Variants in CD47 observed in about 807,000 individuals in gnomAD.
CD47 encodes leukocyte surface antigen CD47.
Under a neutral mutation model 44.6 loss-of-function variants are expected in CD47, and 11 were observed. The observed-to-expected ratio is 0.25, with a 90% confidence interval of 0.16 to 0.41. The LOEUF (loss-of-function observed/expected upper bound fraction) is 0.41, where lower values mean the gene tolerates loss of function less well. CD47 is among the 10% of genes least tolerant of loss of function. The pLI, the probability that CD47 is intolerant of heterozygous loss-of-function variation, is 1.00. For synonymous variants in CD47, 140 were observed against 136.3 expected, an observed-to-expected ratio of 1.03 and a Z score of -0.19; for missense variants, 306 against 386.7, an observed-to-expected ratio of 0.79 and a Z score of 1.75.
chr3:108,058,398 T>C lies in CD47; in HGVS notation c.723A>G (p.Ile241Met), dbSNP rs755240766. ...TATAGGCTATCACCTGAATAACCAATATGGCAATGACGAAGGAGGTTAATC... is the reference window on the plus strand; with the variant it reads ...TATAGGCTATCACCTGAATAACCAACATGGCAATGACGAAGGAGGTTAATC... ...AIGLTSFVIA[I>M]LVIQVIAYIL... Residue 241 changes from isoleucine to methionine, a missense_variant, in exon 6 of 11, where the codon ATA becomes ATG. Ile to Met is a conservative substitution (Grantham distance 10, BLOSUM62 1). Around this residue, in one of 5 missense-constraint regions of CD47, gnomAD observed 131 missense variants for 135.3 expected, o/e 0.97. Coordinates refer to ENST00000361309, the MANE Select transcript of CD47 (RefSeq NM_001777.4). 89 of 1,567,528 alleles carry C rather than the reference T, an allele frequency of 5.7e-5. No homozygotes were observed. The highest frequency in any genetic ancestry group is 8.1e-5 in the African/African-American group (6 of 74,380).
At chr3:108,077,837 G>A (rs1038523435) in intron 2 of CD47, among the ~76,000 whole-genome samples, 1 of 152,176 alleles carries the variant, frequency 6.6e-6, no homozygotes, top group Middle Eastern at 3.4e-3. Context: ...CATTTATATA[G>A]CATTGTTGAA....
intron 7 of CD47, chr3:108,053,509 A>G (rs2078863576): frequency 6.6e-6 from 1 of 152,446 alleles, no homozygotes; most frequent in African/African-American, 2.4e-5. Flanking sequence ...ACAGTGGCAT[A>G]AACAAGAGGG....
At chr3:108,051,158 A>G (rs1280116592) in intron 8 of CD47, among the ~76,000 whole-genome samples, 1 of 152,194 alleles carries the variant, frequency 6.6e-6, no homozygotes, top group Non-Finnish European at 1.5e-5. Context: ...ACTTAGAAGC[A>G]TATGTGACCT....
In CD47 at chr3:108,061,475, C is replaced by T. The variant is rs145519746; in HGVS notation, c.491-623G>A. Among the ~76,000 whole-genome samples, 538 of 152,070 alleles carry T rather than the reference C, an allele frequency of 3.5e-3. 4 individuals carry two copies. The highest frequency in any genetic ancestry group is 4.3e-3 in the Non-Finnish European group (294 of 67,996). On this transcript the variant is annotated intron_variant, in intron 3 of 10. Transcript: ENST00000361309. ...TGACAGAATAAAACTGGGCAGATTA[C>T]ACCCTTGTGAAATCCTGATGAAGAA...
At chr3:108,078,703 C>A (rs1473633907) in intron 2 of CD47, among the ~76,000 whole-genome samples, 1 of 151,448 alleles carries the variant, frequency 6.6e-6, no homozygotes, top group Non-Finnish European at 1.5e-5. Context: ...AAAGACCTTT[C>A]AAATTCTCCT....
At chr3:108,071,881 C>T (rs1469274831) in intron 2 of CD47, among the ~76,000 whole-genome samples, 3 of 152,054 alleles carry the variant, frequency 2.0e-5, no homozygotes, top group Non-Finnish European at 4.4e-5. Flanking sequence ...TGGTCTTTTC[C>T]CAAACTCACT....
At chr3:108,061,754 G>A (rs964900227) in intron 3 of CD47, among the ~76,000 whole-genome samples, 1 of 152,198 alleles carries the variant, frequency 6.6e-6, no homozygotes, top group African/African-American at 2.4e-5. Context: ...AAAGCAAACT[G>A]AGTAGCGGAA....
At chr3:108,067,947 G>C (rs1266098608) in intron 3 of CD47, among the ~76,000 whole-genome samples, 2 of 152,158 alleles carry the variant, frequency 1.3e-5, no homozygotes, top group Non-Finnish European at 2.9e-5. Context: ...TGTCTTTACT[G>C]AAAGTTTAGC....
At chr3:108,057,986 C>T (rs919168298) in intron 6 of CD47, among the ~76,000 whole-genome samples, 16 of 152,114 alleles carry the variant, frequency 1.1e-4, no homozygotes, top group Non-Finnish European at 1.8e-4. Context: ...GCTCAGAATG[C>T]TAAATGCTGT....
intron 7 of CD47, chr3:108,055,678 T>G: frequency 2.0e-6 from 1 of 501,786 alleles, no homozygotes; most frequent in Non-Finnish European, 3.6e-6. Context: ...AATTTTAGCA[T>G]ATAGTATACT....
chr3:108,084,246 C>T (rs1244563212), intron 1 of CD47, among the ~76,000 whole-genome samples: 1 of 152,054 alleles, frequency 6.6e-6, no homozygotes, highest in East Asian at 1.9e-4. Context: ...AAGTCACCAC[C>T]AATCCCTTGT....
At chr3:108,078,277 T>G (rs1003188554) in intron 2 of CD47, among the ~76,000 whole-genome samples, 3 of 152,098 alleles carry the variant, frequency 2.0e-5, no homozygotes, top group African/African-American at 7.2e-5. Flanking sequence ...TAAGTCTAGT[T>G]TTTATTTTTA....
At chr3:108,058,094 ATACTCTT>A (rs1412420202) in intron 6 of CD47, among the ~76,000 whole-genome samples, 3 of 152,186 alleles carry the variant, frequency 2.0e-5, no homozygotes, top group African/African-American at 7.2e-5. Context: ...TTATTTCAAC[ATACTCTT>A]TACAGTCCCG....
intron 10 of CD47, among the ~76,000 whole-genome samples, chr3:108,047,966 C>CT (rs900354854): frequency 1.3e-5 from 2 of 152,004 alleles, no homozygotes; most frequent in African/African-American, 2.4e-5. Context: ...ACTCAAGATT[C>CT]TTAGATTGCT....
Position 108,046,881 on chromosome 3 carries a change from G to C in CD47, c.*407C>G, listed in dbSNP as rs1157942743. On this transcript the variant is annotated 3_prime_UTR_variant, in exon 11 of 11. Coordinates refer to ENST00000361309, the MANE Select transcript of CD47 (RefSeq NM_001777.4). ...TGGCAAAGGTTTGATGGAAGCCACT[G>C]GTTTTCATAGATATCTCTGGGTAAT... 1 of 163,200 alleles carries C rather than the reference G, an allele frequency of 6.1e-6. No individual in the cohort carries two copies. The highest frequency in any genetic ancestry group is 1.7e-4 in the East Asian group (1 of 5,822). The allele number at this position is 163,200 out of a possible 1,614,324, so 10.1% of individuals were successfully genotyped here. A position where few individuals can be genotyped will look rare whatever the true frequency, so the allele number is the denominator to read the frequency against.
chr3:108,074,343 TCA>T (rs2079264989), intron 2 of CD47, among the ~76,000 whole-genome samples: 1 of 151,946 alleles, frequency 6.6e-6, no homozygotes. Context: ...AGATGGAGTC[TCA>T]CTCTGTTGCC....
intron 2 of CD47, among the ~76,000 whole-genome samples, chr3:108,078,199 A>G (rs2079345169): frequency 6.6e-6 from 1 of 151,984 alleles, no homozygotes; most frequent in African/African-American, 2.4e-5. Flanking sequence ...AATGTCTCAA[A>G]CCTCTGGTAG....
chr3:108,063,349 C>T (rs1387460708), intron 3 of CD47, among the ~76,000 whole-genome samples: 2 of 152,196 alleles, frequency 1.3e-5, no homozygotes, highest in Non-Finnish European at 2.9e-5. Flanking sequence ...GTGGGGTCTA[C>T]TAATGAAAGA....
intron 3 of CD47, among the ~76,000 whole-genome samples, chr3:108,062,976 A>G (rs188061044): frequency 6.6e-6 from 1 of 152,050 alleles, no homozygotes; most frequent in Non-Finnish European, 1.5e-5. Context: ...CTTAACAAAA[A>G]TAAGAGTTTG....
Sources: gnomAD v4.1 joint callset for allele counts (sites outside exome capture counted in the v4.1 genomes callset) on GRCh38, gnomAD v4.1.1 for gene constraint, gnomAD v4.1.1 regional missense constraint, MANE v1.5 for transcripts, NCBI Gene and HGNC (gene_info 2026-07-23, HGNC 2026-07-21) for gene names.